ABCC11: variants seen among roughly 807,000 people sequenced by gnomAD.
ABCC11 encodes ATP binding cassette subfamily C member 11, also known as ATP-binding cassette sub-family C member 11.
A neutral mutation model predicts 149.3 loss-of-function variants in ABCC11; 135 were observed. That is an observed-to-expected ratio of 0.90 (90% CI 0.79 to 1.04). The LOEUF (loss-of-function observed/expected upper bound fraction) is 1.04. Among genes scored for constraint, ABCC11 ranks in the 50% least tolerant of loss-of-function variants. The pLI, the probability that ABCC11 is intolerant of heterozygous loss-of-function variation, is 0.00. For missense variants in ABCC11, 1,680 were observed against 1,722.1 expected (o/e 0.98, Z 0.43); for synonymous variants, 665 against 671.4 (o/e 0.99, Z 0.15).
At position 48,205,476 on chromosome 16, in the gene ABCC11, G is replaced by A; in HGVS notation, c.1742C>T (p.Ala581Val). 1 of 1,614,186 alleles carries A rather than the reference G, an allele frequency of 6.2e-7. No homozygotes were observed. Among genetic ancestry groups the A allele is most frequent in the Non-Finnish European group, 8.5e-7 (1 of 1,180,042 alleles). The change falls in exon 13 of 30, where the codon GCC (alanine) becomes GTC (valine). Residue 581 changes from alanine (A) to valine (V), a missense_variant. By Grantham distance (64) the Ala-to-Val change is moderately conservative. Coordinates refer to ENST00000356608, the MANE Select transcript of ABCC11 (RefSeq NM_001370497.1). ...QGSLAYVPQQ[A>V]WIVSGNIREN... ...CCTGATGTTCCCGCTGACGATCCAGGCCTGCTGGGGGACATAGGCCAGGCT... is the reference window on the plus strand; with the variant it reads ...CCTGATGTTCCCGCTGACGATCCAGACCTGCTGGGGGACATAGGCCAGGCT...
At chr16:48,241,765 G>A (rs1003229547) in intron 1 of ABCC11, among the ~76,000 whole-genome samples, 26 of 152,232 alleles carry the variant, frequency 1.7e-4, no homozygotes, top group Non-Finnish European at 2.5e-4. Flanking sequence ...TCTGATCTCT[G>A]ACAAACCTGA....
In ABCC11 at chr16:48,205,400, C is replaced by T; in HGVS notation, c.1805+13G>A. 6.2e-7 allele frequency: 1 copy of T among 1,614,140 alleles called. No homozygotes were observed. The highest frequency in any genetic ancestry group is 8.5e-7 in the Non-Finnish European group (1 of 1,179,984). On this transcript the variant is annotated intron_variant, in intron 13 of 29. Transcript: ENST00000356608. ...ATGCCCTGTACTCTCCCTTTCCCCT[C>T]CCAGGAGCTTACCGGGCCTTGTCAT...
chr16:48,215,096 T>C, intron 8 of ABCC11, 67 bp from the exon 9 acceptor site: 1 of 1,586,776 alleles, frequency 6.3e-7, no homozygotes, highest in Non-Finnish European at 8.6e-7. Flanking sequence ...CACAGCACCA[T>C]CCCCAAAGCA....
At chr16:48,165,392 C>T (rs1219935289), downstream of ABCC11, among the ~76,000 whole-genome samples, 2 of 152,226 alleles carry the variant, frequency 1.3e-5, no homozygotes, top group Admixed American at 6.5e-5. Context: ...AGAAGGTTCG[C>T]GCTCCAGGGC....
Position 48,187,353 on chromosome 16 carries a change from C to G in ABCC11, c.2781G>C (p.Leu927Phe). Residue 927 changes from leucine to phenylalanine, a missense_variant, in exon 21 of 30, where the codon TTG becomes TTC. By Grantham distance (22) the Leu-to-Phe change is conservative. Coordinates refer to ENST00000356608, the MANE Select transcript of ABCC11 (RefSeq NM_001370497.1). Reference sequence around the variant, plus strand: ...TGGGCAAGAGCTGGTCCAGCTGTTCCAAGTCCCCTGCGAAGCAGTTCAAAA... The same window carrying G: ...TGGGCAAGAGCTGGTCCAGCTGTTCGAAGTCCCCTGCGAAGCAGTTCAAAA... The part of the protein sequence containing the change: ...GRLLNCFAGD[L>F]EQLDQLLPIF... The G allele has an allele frequency of 3.1e-6, 5 of 1,614,150 alleles. No individual in the cohort carries two copies. Among genetic ancestry groups the G allele is most frequent in the Non-Finnish European group, 4.2e-6 (5 of 1,180,020 alleles).
At chr16:48,176,701 T>C (rs574780550) in intron 25 of ABCC11, among the ~76,000 whole-genome samples, 3 of 152,044 alleles carry the variant, frequency 2.0e-5, no homozygotes, top group Non-Finnish European at 4.4e-5. Context: ...ATTTCCGTCT[T>C]TATTTGCTGG....
intron 15 of ABCC11, among the ~76,000 whole-genome samples, chr16:48,199,883 C>T (rs184547363): frequency 5.3e-5 from 8 of 151,880 alleles, no homozygotes; most frequent in Non-Finnish European, 1.0e-4. Flanking sequence ...TCTACGTTGC[C>T]CAGGCTGGTC....
At chr16:48,193,122 G>C (rs939870824) in intron 19 of ABCC11, among the ~76,000 whole-genome samples, 1 of 152,222 alleles carries the variant, frequency 6.6e-6, no homozygotes, top group Non-Finnish European at 1.5e-5. Context: ...AGCATGGGGT[G>C]TGGGGTTTTT....
chr16:48,206,089 C>T (rs574940006), intron 12 of ABCC11, among the ~76,000 whole-genome samples: 6 of 152,170 alleles, frequency 3.9e-5, no homozygotes, highest in Non-Finnish European at 7.4e-5. Context: ...GGATTACAGG[C>T]GTGAACGTTT....
chr16:48,172,570 A>G (rs879836696), intron 26 of ABCC11, among the ~76,000 whole-genome samples: 1 of 152,142 alleles, frequency 6.6e-6, no homozygotes, highest in Admixed American at 6.6e-5. Context: ...TGGAATTGCA[A>G]GCACAGACCA....
chr16:48,167,858 G>T (rs1259940625), intron 28 of ABCC11, among the ~76,000 whole-genome samples, 198 bp from the exon 29 acceptor site: 3 of 152,178 alleles, frequency 2.0e-5, no homozygotes, highest in Admixed American at 2.0e-4. Context: ...AGAACGTTAG[G>T]TCTCAACCAG....
At position 48,194,047 on chromosome 16, in the gene ABCC11, C is replaced by A. The variant is rs1177789888; in HGVS notation, c.2405-65G>T. 4.2e-6 allele frequency: 5 copies of A among 1,201,274 alleles called. No homozygotes were observed. In the African/African-American group the frequency reaches 7.5e-5, roughly 18 times the overall value. 74.4% of individuals were successfully genotyped at this position (1,201,274 alleles called of 1,614,324 possible). A position where few individuals can be genotyped will look rare whatever the true frequency, so the allele number is the denominator to read the frequency against. ...AGGTGCGAGGCAACTGCTGACTCAG[C>A]TGCTCGGCCATCTCTGTCTTTGAGT... On this transcript the variant is annotated intron_variant, in intron 18 of 29. Transcript: ENST00000356608.
intron 27 of ABCC11, among the ~76,000 whole-genome samples, chr16:48,170,623 T>C (rs1042438412): frequency 6.6e-6 from 1 of 152,218 alleles, no homozygotes; most frequent in Non-Finnish European, 1.5e-5. Context: ...TTATCTCCTA[T>C]TGAATGTACG....
chr16:48,244,632 C>A, intron 1 of ABCC11: 1 of 1,353,886 alleles, frequency 7.4e-7, no homozygotes, highest in East Asian at 3.1e-5. Context: ...GTAGGCCTGG[C>A]TGCCCCCGCG....
chr16:48,168,030 TG>T (rs1327166798), intron 28 of ABCC11, among the ~76,000 whole-genome samples: 1 of 152,248 alleles, frequency 6.6e-6, no homozygotes, highest in Non-Finnish European at 1.5e-5. Flanking sequence ...GCACATGAGA[TG>T]ATTTCTCCAG....
intron 22 of ABCC11, 108 bp from the exon 23 acceptor site, chr16:48,184,734 A>G: frequency 8.8e-7 from 1 of 1,141,218 alleles, no homozygotes; most frequent in Admixed American, 2.5e-5. Context: ...CCCCACTCCC[A>G]GCAGCAGGGC....
At chr16:48,197,919 G>A (rs1967585234) in intron 17 of ABCC11, 52 bp downstream of exon 17, 1 of 1,589,484 alleles carries the variant, frequency 6.3e-7, no homozygotes, top group South Asian at 1.1e-5. Flanking sequence ...GGGACCTCTG[G>A]AGGACCCAGG....
intron 13 of ABCC11, among the ~76,000 whole-genome samples, chr16:48,203,557 A>G (rs1158252901): frequency 6.6e-6 from 1 of 152,112 alleles, no homozygotes; most frequent in African/African-American, 2.4e-5. Context: ...TTTGACCTTC[A>G]TTTGCTTTTC....
intron 14 of ABCC11, among the ~76,000 whole-genome samples, chr16:48,201,330 G>A (rs930989372): frequency 2.0e-5 from 3 of 152,144 alleles, no homozygotes; most frequent in African/African-American, 4.8e-5. Flanking sequence ...AGGCTGGAGT[G>A]CAGTGGCACC....
Sources: allele counts gnomAD v4.1 joint callset (sites outside exome capture counted in the v4.1 genomes callset), GRCh38; gene constraint gnomAD v4.1.1; transcripts MANE v1.5; gene names NCBI Gene and HGNC (gene_info 2026-07-23, HGNC 2026-07-21).